FRAS1: variants seen among roughly 807,000 people sequenced by gnomAD.
FRAS1 encodes the protein Fraser extracellular matrix complex subunit 1, also known as extracellular matrix organizing protein FRAS1.
A neutral mutation model predicts 435.2 loss-of-function variants in FRAS1; 290 were observed. That is an observed-to-expected ratio of 0.67 (90% CI 0.61 to 0.73). FRAS1 has a LOEUF of 0.73. FRAS1 is among the 30% of genes least tolerant of loss of function. FRAS1 has a pLI of 0.00. For synonymous variants in FRAS1, 1,800 were observed against 1,851.0 expected, an observed-to-expected ratio of 0.97 and a Z score of 0.71; for missense variants, 4,860 against 5,001.5, an observed-to-expected ratio of 0.97 and a Z score of 0.85.
intron 2 of FRAS1, among the ~76,000 whole-genome samples, chr4:78,211,164 G>C (rs140516575): frequency 6.6e-6 from 1 of 152,272 alleles, no homozygotes; most frequent in East Asian, 1.9e-4. Context: ...ATTTCAGAAG[G>C]GAGTGGGTTA....
At position 78,131,503 on chromosome 4, in the gene FRAS1, G is replaced by A. The variant is rs796603627; in HGVS notation, c.108+65487G>A. On this transcript the variant is annotated intron_variant, in intron 2 of 73. Coordinates refer to ENST00000512123, the MANE Select transcript of FRAS1 (RefSeq NM_025074.7). ...TTCTTTATGATTATAGAGGAATTAT[G>A]TAGTCCAGTGGGAGGAATGACTATT... 2.6e-4 allele frequency among the ~76,000 whole-genome samples: 40 copies of A among 152,328 alleles called. 1 individual carries two copies. The highest frequency in any genetic ancestry group is 9.4e-4 in the African/African-American group (39 of 41,566).
At chr4:78,095,227 T>C (rs1741737140) in intron 2 of FRAS1, among the ~76,000 whole-genome samples, 1 of 152,248 alleles carries the variant, frequency 6.6e-6, no homozygotes, top group Non-Finnish European at 1.5e-5. Flanking sequence ...TCCTGGTTGG[T>C]TAGGTTTCAT....
At chr4:78,148,426 G>A (rs932363341) in intron 2 of FRAS1, among the ~76,000 whole-genome samples, 3 of 152,118 alleles carry the variant, frequency 2.0e-5, no homozygotes, top group African/African-American at 7.2e-5. Flanking sequence ...CATTACAACA[G>A]AATAGTTTAA....
rs367742749 is a variant in FRAS1 at position 78,482,508 on chromosome 4, A to T, written c.8725A>T (p.Ile2909Phe). 38 of 1,613,748 alleles carry T rather than the reference A, an allele frequency of 2.4e-5. No homozygotes were observed. Among genetic ancestry groups the T allele is most frequent in the Admixed American group, 1.0e-4 (6 of 59,990 alleles). ...ACTGACCAAACCCTTCCAGGCAGTC[A>T]TTGCAATTAATGACACATTCCAAGA... Reference protein sequence around the residue: ...AELTKPFQAVIAINDTFQDVP... With the variant: ...AELTKPFQAVFAINDTFQDVP... Residue 2909 changes from isoleucine (I) to phenylalanine (F), a missense_variant, in exon 58 of 74, where the codon ATT becomes TTT. By Grantham distance (21) the Ile-to-Phe change is conservative (BLOSUM62 0). Transcript: ENST00000512123.
chr4:78,214,795 T>G (rs1393991228), intron 2 of FRAS1, among the ~76,000 whole-genome samples: 1 of 152,210 alleles, frequency 6.6e-6, no homozygotes. Context: ...TTTGTCTCCA[T>G]GCACAGAACA....
intron 38 of FRAS1, among the ~76,000 whole-genome samples, chr4:78,433,890 T>C (rs925452806): frequency 3.3e-5 from 5 of 152,210 alleles, no homozygotes; most frequent in African/African-American, 7.2e-5. Context: ...TGCAAGCCCA[T>C]TGGCAACTGA....
At chr4:78,147,286 T>C (rs75376721) in intron 2 of FRAS1, among the ~76,000 whole-genome samples, 1,793 of 152,286 alleles carry the variant, frequency 0.012, 38 homozygotes, top group South Asian at 0.087. Flanking sequence ...GTATGATGCA[T>C]TGACAAAGCA....
rs189496966 is a variant in FRAS1, at chr4:78,508,299, A to T, written c.9505-432A>T. Among the ~76,000 whole-genome samples, 18 of 152,306 alleles carry T rather than the reference A, an allele frequency of 1.2e-4. No individual in the cohort carries two copies. The East Asian group carries it at 3.1e-3, about 26-fold the overall frequency. ...AGAAAAGAATGATGATTATTTCAAAATGTGTCTCTTATTTGGCCATGGAAG... is the reference window on the plus strand; with the variant it reads ...AGAAAAGAATGATGATTATTTCAAATTGTGTCTCTTATTTGGCCATGGAAG... On this transcript the variant is annotated intron_variant, in intron 62 of 73. Transcript: ENST00000512123.
At chr4:78,080,968 T>G (rs1411571166) in intron 2 of FRAS1, among the ~76,000 whole-genome samples, 1 of 152,200 alleles carries the variant, frequency 6.6e-6, no homozygotes, top group Admixed American at 6.6e-5. Context: ...AGAAACACGA[T>G]CTGTCTGTCA....
chr4:78,214,552 C>T (rs1212356370), intron 2 of FRAS1, among the ~76,000 whole-genome samples: 1 of 152,190 alleles, frequency 6.6e-6, no homozygotes, highest in Non-Finnish European at 1.5e-5. Context: ...TGTATCTGAA[C>T]ATCCTACATA....
intron 58 of FRAS1, among the ~76,000 whole-genome samples, chr4:78,483,386 A>G (rs1266962940): frequency 6.6e-6 from 1 of 152,184 alleles, no homozygotes; most frequent in Non-Finnish European, 1.5e-5. Context: ...TGACGAAATT[A>G]GAATTGTCAG....
intron 35 of FRAS1, among the ~76,000 whole-genome samples, chr4:78,425,658 G>A (rs1332871592): frequency 6.6e-6 from 1 of 152,070 alleles, no homozygotes; most frequent in Non-Finnish European, 1.5e-5. Flanking sequence ...TATGAACCCA[G>A]TATCAGCTCA....
At chr4:78,088,446 G>A (rs36196177) in intron 2 of FRAS1, among the ~76,000 whole-genome samples, 121,098 of 150,314 alleles carry the variant, frequency 0.81, 48,936 homozygotes, top group East Asian at 0.95. Context: ...ATTAAACTAA[G>A]GAGCTTCTGC....
chr4:78,295,181 T>G (rs1728089357), intron 14 of FRAS1, among the ~76,000 whole-genome samples: 1 of 152,260 alleles, frequency 6.6e-6, no homozygotes, highest in Non-Finnish European at 1.5e-5. Flanking sequence ...GTTCCCAATT[T>G]TTTTAATTAT....
At chr4:78,090,304 T>C (rs1356118214) in intron 2 of FRAS1, among the ~76,000 whole-genome samples, 1 of 152,210 alleles carries the variant, frequency 6.6e-6, no homozygotes, top group Non-Finnish European at 1.5e-5. Flanking sequence ...TTAAATGTTT[T>C]GAACAGTGTC....
chr4:78,257,276 C>T (rs73827917), intron 6 of FRAS1, among the ~76,000 whole-genome samples: 2,146 of 152,200 alleles, frequency 0.014, 58 homozygotes, highest in African/African-American at 0.049. Context: ...CTACTACTCC[C>T]AGAATAATGA....
chr4:78,132,405 A>G (rs531294915), intron 2 of FRAS1, among the ~76,000 whole-genome samples: 28 of 152,346 alleles, frequency 1.8e-4, no homozygotes, highest in Middle Eastern at 6.8e-3. Flanking sequence ...AAGCAATAGC[A>G]CCACATATTC....
At chr4:78,266,711 G>C in intron 7 of FRAS1, 123 bp from the exon 8 acceptor site, 1 of 711,028 alleles carries the variant, frequency 1.4e-6, no homozygotes, top group Non-Finnish European at 2.5e-6. Flanking sequence ...CATTTCTCAA[G>C]AGTACATTCA....
chr4:78,240,146 G>A (rs564628370), intron 3 of FRAS1, among the ~76,000 whole-genome samples: 111 of 152,262 alleles, frequency 7.3e-4, no homozygotes, highest in African/African-American at 2.5e-3. Flanking sequence ...GTATGCTGTA[G>A]TATGGAGTTT....
Sources: allele counts gnomAD v4.1 joint callset (sites outside exome capture counted in the v4.1 genomes callset), GRCh38; gene constraint gnomAD v4.1.1; transcripts MANE v1.5; gene names NCBI Gene and HGNC (gene_info 2026-07-23, HGNC 2026-07-21).